The following MYLK variants were observed in gnomAD, a reference collection of about 807,000 sequenced individuals.
The protein encoded by MYLK is myosin light chain kinase.
In MYLK, 106 loss-of-function variants were observed where a neutral mutation model predicts 203.4. The observed-to-expected ratio is 0.52, with a 90% CI of 0.45 to 0.61. MYLK has a LOEUF of 0.61. Ranked by LOEUF, MYLK falls within the 20% of genes least tolerant of loss-of-function variation. The pLI, the probability that MYLK is intolerant of heterozygous loss-of-function variation, is 0.00. For synonymous variants in MYLK, 867 were observed against 959.5 expected, an observed-to-expected ratio of 0.90 and a Z score of 1.78; for missense variants, 2,072 against 2,442.3, an observed-to-expected ratio of 0.85 and a Z score of 3.20.
chr3:123,877,049 G>C (rs926117356), intron 1 of MYLK, among the ~76,000 whole-genome samples: 3 of 152,180 alleles, frequency 2.0e-5, no homozygotes, highest in African/African-American at 7.2e-5. Flanking sequence ...ACAGTTATTA[G>C]GAACTTAACT....
At chr3:123,872,421 T>G (rs1477107685) in intron 2 of MYLK, among the ~76,000 whole-genome samples, 1 of 152,164 alleles carries the variant, frequency 6.6e-6, no homozygotes, top group African/African-American at 2.4e-5. Flanking sequence ...TTGAGTTAGA[T>G]CTAACCTTAG....
intron 24 of MYLK, among the ~76,000 whole-genome samples, chr3:123,654,272 ACTTT>A (rs1418930333): frequency 1.3e-5 from 2 of 152,112 alleles, no homozygotes; most frequent in East Asian, 1.9e-4. Context: ...TGGTACCCTA[ACTTT>A]CTTTCTTTCT....
intron 2 of MYLK, among the ~76,000 whole-genome samples, chr3:123,832,605 G>T (rs2148627105): frequency 6.6e-6 from 1 of 152,316 alleles, no homozygotes; most frequent in African/African-American, 2.4e-5. Context: ...AGGTGATTAA[G>T]TCAAGAGGGC....
At chr3:123,749,036 T>C (rs1483489867) in intron 5 of MYLK, among the ~76,000 whole-genome samples, 1 of 151,920 alleles carries the variant, frequency 6.6e-6, no homozygotes, top group Non-Finnish European at 1.5e-5. Flanking sequence ...GTCACAGCAC[T>C]CCAGCCTGGG....
chr3:123,636,269 T>C (rs1015464548), intron 29 of MYLK, among the ~76,000 whole-genome samples: 1 of 152,206 alleles, frequency 6.6e-6, no homozygotes. Flanking sequence ...GGCCCGACTG[T>C]GGGAAGTGGG....
chr3:123,862,306 G>A (rs911920574), intron 2 of MYLK, among the ~76,000 whole-genome samples: 1 of 152,180 alleles, frequency 6.6e-6, no homozygotes, highest in Non-Finnish European at 1.5e-5. Context: ...CTATATTTCT[G>A]GGCCTTGACC....
chr3:123,778,595 G>A (rs992643322), intron 4 of MYLK, among the ~76,000 whole-genome samples: 5 of 151,760 alleles, frequency 3.3e-5, no homozygotes, highest in African/African-American at 1.2e-4. Context: ...CCCTTCCCAG[G>A]GCCTGAGATT....
At chr3:123,770,335 A>C (rs1254035661) in intron 4 of MYLK, among the ~76,000 whole-genome samples, 4 of 152,206 alleles carry the variant, frequency 2.6e-5, no homozygotes, top group African/African-American at 9.7e-5. Flanking sequence ...AAAATAAAAT[A>C]AAACAAAGGT....
chr3:123,661,898 G>C (rs1192323162), intron 23 of MYLK, among the ~76,000 whole-genome samples: 2 of 152,186 alleles, frequency 1.3e-5, no homozygotes, highest in Non-Finnish European at 2.9e-5. Context: ...TGTGGAACCT[G>C]TGGTCTGTTC....
intron 9 of MYLK, 102 bp downstream of exon 9, chr3:123,735,296 T>C: frequency 6.7e-7 from 1 of 1,488,260 alleles, no homozygotes. Flanking sequence ...GGCCAATTCT[T>C]CTGCCCCATA....
At chr3:123,666,142 T>C (rs2059726387) in intron 22 of MYLK, 77 bp downstream of exon 22, 2 of 1,610,674 alleles carry the variant, frequency 1.2e-6, no homozygotes, top group African/African-American at 1.3e-5. Context: ...CAGCACGGCA[T>C]TTCTCATCCC....
chr3:123,691,664 T>A (rs1209506278), intron 19 of MYLK: 1 of 152,244 alleles, frequency 6.6e-6, no homozygotes, highest in African/African-American at 2.4e-5. Flanking sequence ...TGAGACGGGC[T>A]AGGACTTCAG....
intron 33 of MYLK, chr3:123,617,415 T>C (rs2057563897): frequency 6.6e-6 from 1 of 152,204 alleles, no homozygotes; most frequent in Non-Finnish European, 1.5e-5. Flanking sequence ...TTTCACATTA[T>C]CAAAGGCAGC....
chr3:123,618,294 C>T (rs542718934), intron 33 of MYLK: 26 of 326,888 alleles, frequency 8.0e-5, no homozygotes, highest in South Asian at 6.2e-4. Context: ...GGGCAAGTCA[C>T]ATGCTTTTCA....
At chr3:123,636,346 T>C (rs820460) in intron 29 of MYLK, among the ~76,000 whole-genome samples, 48,984 of 152,246 alleles carry the variant, frequency 0.32, 14,499 homozygotes, top group African/African-American at 0.75. Flanking sequence ...CCTGCCATGA[T>C]CCACTCTTGG....
chr3:123,752,576 C>A, intron 4 of MYLK, 38 bp from the exon 5 acceptor site: 2 of 1,564,990 alleles, frequency 1.3e-6, no homozygotes, highest in South Asian at 1.1e-5. Context: ...GCCTGTATTT[C>A]ATGAGTACTC....
chr3:123,638,632 G>A (rs1011652341), intron 28 of MYLK: 1 of 481,792 alleles, frequency 2.1e-6, no homozygotes, highest in African/African-American at 2.1e-5. Context: ...CTGAGAACAT[G>A]AGTGAGGCCC....
At chr3:123,862,222 T>C (rs74884954) in intron 2 of MYLK, among the ~76,000 whole-genome samples, 71 of 152,364 alleles carry the variant, frequency 4.7e-4, no homozygotes, top group African/African-American at 1.5e-3. Flanking sequence ...ACTATGCAGT[T>C]ACACAATTTA....
intron 2 of MYLK, among the ~76,000 whole-genome samples, chr3:123,863,140 G>A (rs981130487): frequency 1.3e-5 from 2 of 152,098 alleles, no homozygotes; most frequent in African/African-American, 4.8e-5. Flanking sequence ...TAACAAAAAG[G>A]AAGGTGTTTT....
Sources: allele counts gnomAD v4.1 joint callset (sites outside exome capture counted in the v4.1 genomes callset), GRCh38; gene constraint gnomAD v4.1.1; transcripts MANE v1.5; gene names NCBI Gene and HGNC (gene_info 2026-07-23, HGNC 2026-07-21).